The following OR1E1 variants were observed in gnomAD, a reference collection of about 807,000 sequenced individuals.
OR1E1 encodes the protein olfactory receptor 1E1.
For missense variants in OR1E1, 330 were observed against 381.0 expected (o/e 0.87, Z 1.11); for synonymous variants, 125 against 153.1 (o/e 0.82, Z 1.36).
chr17:3,398,117 C>T lies in OR1E1; in HGVS notation c.294G>A (p.Leu98=), dbSNP rs2049860289. The change falls in exon 1 of 1, where the codon CTG becomes CTA. Residue 98 remains leucine (L), a synonymous_variant. Coordinates refer to ENST00000322608, the MANE Select transcript of OR1E1 (RefSeq NM_003553.3). Reference sequence around the variant, plus strand: ...ATAACAGGAAGAAGTACATTTGGGTCAGGCAGTCCGCATAGGGGATGGATG... The same window carrying T: ...ATAACAGGAAGAAGTACATTTGGGTTAGGCAGTCCGCATAGGGGATGGATG... ...QDPSIPYADC[L]TQMYFFLLFG... 1 of 1,614,074 alleles carries T rather than the reference C, an allele frequency of 6.2e-7. No individual in the cohort carries two copies. The highest frequency in any genetic ancestry group is 1.3e-5 in the African/African-American group (1 of 74,920).
rs759697594 is a variant in OR1E1, at chr17:3,397,527, C to T, written c.884G>A (p.Arg295Lys). 1.2e-6 allele frequency: 2 copies of T among 1,614,158 alleles called. 1 individual carries two copies. Among genetic ancestry groups the T allele is most frequent in the South Asian group, 2.2e-5 (2 of 91,076 alleles). The change falls in exon 1 of 1, where the codon AGA (arginine) becomes AAA (lysine). Residue 295 changes from arginine to lysine, a missense_variant. By Grantham distance (26) the Arg-to-Lys change is conservative. Coordinates refer to ENST00000322608, the MANE Select transcript of OR1E1 (RefSeq NM_003553.3). Reference protein sequence around the residue: ...LNPFIYSLRNRDMKGALSRVI... With the variant: ...LNPFIYSLRNKDMKGALSRVI... ...TCTGCTCAGGGCTCCCTTCATGTCT[C>T]TGTTCCTCAGGCTGTAGATGAAGGG...
Position 3,397,562 on chromosome 17 carries a change from G to A in OR1E1, c.849C>T (p.Pro283=), listed in dbSNP as rs1266218353. ...VMAMMYTVVT[P]MLNPFIYSLR... Reference sequence around the variant, plus strand: ...GGCTGTAGATGAAGGGGTTCAGCATGGGGGTCACCACAGTGTACATCATAG... The same window carrying A: ...GGCTGTAGATGAAGGGGTTCAGCATAGGGGTCACCACAGTGTACATCATAG... The change falls in exon 1 of 1, where the codon CCC becomes CCT. Residue 283 remains proline, a synonymous_variant. Transcript: ENST00000322608. 6.2e-7 allele frequency: 1 copy of A among 1,614,146 alleles called. No individual in the cohort carries two copies. Among genetic ancestry groups the A allele is most frequent in the Non-Finnish European group, 8.5e-7 (1 of 1,180,034 alleles).
In OR1E1 at chr17:3,398,181, G is replaced by A. The variant is rs988169532; in HGVS notation, c.230C>T (p.Thr77Ile). ...CATGTTCTGTAACAACTTGGGAATG[G>A]TCACGGAAGAGAAGCAGAGGTCAGA... Reference protein sequence around the residue: ...SFSDLCFSSVTIPKLLQNMQN... With the variant: ...SFSDLCFSSVIIPKLLQNMQN... Residue 77 changes from threonine (T) to isoleucine (I), a missense_variant, in exon 1 of 1, where the codon ACC (threonine) becomes ATC (isoleucine). By Grantham distance (89) the Thr-to-Ile change is moderately conservative. Transcript: ENST00000322608. 2 of 1,614,244 alleles carry A rather than the reference G, an allele frequency of 1.2e-6. No individual in the cohort carries two copies. Among genetic ancestry groups the A allele is most frequent in the Non-Finnish European group, 1.7e-6 (2 of 1,180,040 alleles).
Position 3,398,353 on chromosome 17 carries a change from G to A in OR1E1, c.58C>T (p.Gln20Ter), listed in dbSNP as rs2049863656. ...TAGCACAGGTTTTGCTGCTCTGGTTGGATGGGCAGGCCCAGGAGCAGGAAG... is the reference window on the plus strand; with the variant it reads ...TAGCACAGGTTTTGCTGCTCTGGTTAGATGGGCAGGCCCAGGAGCAGGAAG... ...SDFLLLGLPI[Q>*]PEQQNLCYAL... The change falls in exon 1 of 1, where the codon CAA becomes TAA. Residue 20 changes from glutamine to a stop codon, truncating the protein, a stop_gained. Coordinates refer to ENST00000322608, the MANE Select transcript of OR1E1 (RefSeq NM_003553.3). LOFTEE classifies it low-confidence loss of function (END_TRUNC). 6.2e-7 allele frequency: 1 copy of A among 1,613,282 alleles called. No homozygotes were observed. The highest frequency in any genetic ancestry group is 8.5e-7 in the Non-Finnish European group (1 of 1,179,358).
chr17:3,397,986 A>C lies in OR1E1; in HGVS notation c.425T>G (p.Leu142Arg). ...CACCCAGGACAGCGCCACCAGGGCG[A>C]GACAGAGCATGGGGCTCATGATGGC... ...YTAIMSPMLC[L>R]ALVALSWVLT... The change falls in exon 1 of 1, where the codon CTC becomes CGC. Residue 142 changes from leucine to arginine, a missense_variant. Leu to Arg is a moderately radical substitution (Grantham distance 102). Coordinates refer to ENST00000322608, the MANE Select transcript of OR1E1 (RefSeq NM_003553.3). 1 of 1,614,240 alleles carries C rather than the reference A, an allele frequency of 6.2e-7. No individual in the cohort carries two copies. Among genetic ancestry groups the C allele is most frequent in the Non-Finnish European group, 8.5e-7 (1 of 1,180,044 alleles).
Position 3,398,347 on chromosome 17 carries a change from C to T in OR1E1, c.64G>A (p.Glu22Lys). The change falls in exon 1 of 1, where the codon GAG (glutamate) becomes AAG (lysine). Residue 22 changes from glutamate to lysine, a missense_variant. Glu to Lys is a moderately conservative substitution (Grantham distance 56, BLOSUM62 1). Transcript: ENST00000322608. ...AGGGCATAGCACAGGTTTTGCTGCT[C>T]TGGTTGGATGGGCAGGCCCAGGAGC... ...FLLLGLPIQP[E>K]QQNLCYALFL... The T allele has an allele frequency of 6.2e-7, 1 of 1,613,720 alleles. No homozygotes were observed. Among genetic ancestry groups the T allele is most frequent in the African/African-American group, 1.3e-5 (1 of 75,028 alleles).
In OR1E1 at chr17:3,397,927, G is replaced by A. The variant is rs1329571607; in HGVS notation, c.484C>T (p.Leu162Phe). ...GCACAAAAACACAACCTGGCCATGA[G>A]TAAAGTGTGTAACATGGCATGGAAG... ...TTFHAMLHTL[L>F]MARLCFCADN... The change falls in exon 1 of 1, where the codon CTC (leucine) becomes TTC (phenylalanine). Residue 162 changes from leucine (L) to phenylalanine (F), a missense_variant. By Grantham distance (22) the Leu-to-Phe change is conservative. Transcript: ENST00000322608. The A allele has an allele frequency of 6.2e-7, 1 of 1,614,236 alleles. No individual in the cohort carries two copies. The highest frequency in any genetic ancestry group is 1.7e-5 in the Admixed American group (1 of 60,024).
chr17:3,397,530 T>A lies in OR1E1; in HGVS notation c.881A>T (p.Asn294Ile). The A allele has an allele frequency of 2.5e-6, 4 of 1,614,198 alleles. No individual in the cohort carries two copies. The highest frequency in any genetic ancestry group is 3.4e-6 in the Non-Finnish European group (4 of 1,180,024). Reference protein sequence around the residue: ...MLNPFIYSLRNRDMKGALSRV... With the variant: ...MLNPFIYSLRIRDMKGALSRV... ...GCTCAGGGCTCCCTTCATGTCTCTG[T>A]TCCTCAGGCTGTAGATGAAGGGGTT... Residue 294 changes from asparagine (N) to isoleucine (I), a missense_variant, in exon 1 of 1, where the codon AAC becomes ATC. Asn to Ile is a moderately radical substitution (Grantham distance 149). Coordinates refer to ENST00000322608, the MANE Select transcript of OR1E1 (RefSeq NM_003553.3).
Position 3,397,374 on chromosome 17 carries a change from A to G in OR1E1, c.*92T>C. The G allele has an allele frequency of 9.8e-7, 1 of 1,020,790 alleles. No individual in the cohort carries two copies. The highest frequency in any genetic ancestry group is 1.4e-6 in the Non-Finnish European group (1 of 706,962). The allele number at this position is 1,020,790 out of a possible 1,614,324, so 63.2% of individuals were successfully genotyped here. A position where few individuals can be genotyped will look rare whatever the true frequency, so the allele number is the denominator to read the frequency against. ...AATTATGTACGATGCCATTTCAACA[A>G]AAGGATGGTGAGGAAATAATTTAGA... On this transcript the variant is annotated 3_prime_UTR_variant, in exon 1 of 1. Transcript: ENST00000322608.
Position 3,397,507 on chromosome 17 carries a change from T to C in OR1E1, c.904A>G (p.Ser302Gly), listed in dbSNP as rs1472495261. The change falls in exon 1 of 1, where the codon AGC (serine) becomes GGC (glycine). Residue 302 changes from serine (S) to glycine (G), a missense_variant. Ser to Gly is a moderately conservative substitution (Grantham distance 56, BLOSUM62 0). Coordinates refer to ENST00000322608, the MANE Select transcript of OR1E1 (RefSeq NM_003553.3). ...LRNRDMKGAL[S>G]RVIHQKKTFF... Reference sequence around the variant, plus strand: ...GTTTTCTTCTGATGAATGACTCTGCTCAGGGCTCCCTTCATGTCTCTGTTC... The same window carrying C: ...GTTTTCTTCTGATGAATGACTCTGCCCAGGGCTCCCTTCATGTCTCTGTTC... 2 of 1,614,146 alleles carry C rather than the reference T, an allele frequency of 1.2e-6. No homozygotes were observed. The highest frequency in any genetic ancestry group is 1.7e-6 in the Non-Finnish European group (2 of 1,180,000).
chr17:3,397,780 A>T lies in OR1E1; in HGVS notation c.631T>A (p.Phe211Ile). Reference sequence around the variant, plus strand: ...GCATAGGACCCAAGGATGAGTAGGAATGGGATGACAAGAATGAGCCCTCCC... The same window carrying T: ...GCATAGGACCCAAGGATGAGTAGGATTGGGATGACAAGAATGAGCCCTCCC... ...IMGGLILVIP[F>I]LLILGSYARI... Residue 211 changes from phenylalanine (F) to isoleucine (I), a missense_variant, in exon 1 of 1, where the codon TTC becomes ATC. Transcript: ENST00000322608. 6.2e-7 allele frequency: 1 copy of T among 1,613,994 alleles called. No homozygotes were observed. The highest frequency in any genetic ancestry group is 8.5e-7 in the Non-Finnish European group (1 of 1,179,864).
chr17:3,397,711 T>C lies in OR1E1; in HGVS notation c.700A>G (p.Ile234Val), dbSNP rs766977107. Reference protein sequence around the residue: ...SILKVPSSKGICKAFSTCGSH... With the variant: ...SILKVPSSKGVCKAFSTCGSH... ...CCACAAGTAGAGAAGGCCTTGCAGA[T>C]ACCCTTAGAAGAAGGGACCTTGAGG... is the stretch of plus-strand genomic sequence containing the variant. Residue 234 changes from isoleucine to valine, a missense_variant, in exon 1 of 1, where the codon ATC becomes GTC. By Grantham distance (29) the Ile-to-Val change is conservative. Transcript: ENST00000322608. 1.9e-6 allele frequency: 3 copies of C among 1,613,514 alleles called. No individual in the cohort carries two copies. The highest frequency in any genetic ancestry group is 2.5e-6 in the Non-Finnish European group (3 of 1,179,864).
Position 3,398,145 on chromosome 17 carries a change from TC to T in OR1E1, c.265del (p.Asp89ThrfsTer10), listed in dbSNP as rs769783587. 1 of 1,614,172 alleles carries T rather than the reference TC, an allele frequency of 6.2e-7. No homozygotes were observed. The highest frequency in any genetic ancestry group is 1.7e-5 in the Admixed American group (1 of 60,018). ...PKLLQNMQNQDPSIPYADCLT... is the reference protein window; with the variant it reads ...PKLLQNMQNQXPSIPYADCLT... ...GCAGTCCGCATAGGGGATGGATGGG[TC>T]CTGGTTCTGCATGTTCTGTAACAAC... On this transcript the variant is annotated frameshift_variant, in exon 1 of 1. Coordinates refer to ENST00000322608, the MANE Select transcript of OR1E1 (RefSeq NM_003553.3). LOFTEE classifies it low-confidence loss of function (END_TRUNC).
Position 3,397,885 on chromosome 17 carries a change from G to C in OR1E1, c.526C>G (p.His176Asp). ...AGAGCAGACATATCACAGAAAAAGTGGGGGATCACATTGTCTGCACAAAAA... is the reference window on the plus strand; with the variant it reads ...AGAGCAGACATATCACAGAAAAAGTCGGGGATCACATTGTCTGCACAAAAA... ...LCFCADNVIPHFFCDMSALLK... is the reference protein window; with the variant it reads ...LCFCADNVIPDFFCDMSALLK... Residue 176 changes from histidine (H) to aspartate (D), a missense_variant, in exon 1 of 1, where the codon CAC (histidine) becomes GAC (aspartate). By Grantham distance (81) the His-to-Asp change is moderately conservative. Transcript: ENST00000322608. 6.2e-7 allele frequency: 1 copy of C among 1,614,184 alleles called. No homozygotes were observed. The highest frequency in any genetic ancestry group is 8.5e-7 in the Non-Finnish European group (1 of 1,180,016).
In OR1E1 at chr17:3,398,103, A is replaced by T; in HGVS notation, c.308T>A (p.Phe103Tyr). The change falls in exon 1 of 1, where the codon TTC (phenylalanine) becomes TAC (tyrosine). Residue 103 changes from phenylalanine to tyrosine, a missense_variant. Coordinates refer to ENST00000322608, the MANE Select transcript of OR1E1 (RefSeq NM_003553.3). ...PYADCLTQMYFFLLFGDLESF... is the reference protein window; with the variant it reads ...PYADCLTQMYYFLLFGDLESF... The stretch of plus-strand genomic sequence containing the variant: ...CTCCAGGTCTCCAAATAACAGGAAG[A>T]AGTACATTTGGGTCAGGCAGTCCGC... The T allele has an allele frequency of 6.2e-7, 1 of 1,614,186 alleles. No individual in the cohort carries two copies. The highest frequency in any genetic ancestry group is 8.5e-7 in the Non-Finnish European group (1 of 1,180,022).
rs1043205466 is a variant in OR1E1, at chr17:3,398,222, G to A, written c.189C>T (p.Leu63=). Residue 63 remains leucine, a synonymous_variant, in exon 1 of 1, where the codon CTC becomes CTT. Coordinates refer to ENST00000322608, the MANE Select transcript of OR1E1 (RefSeq NM_003553.3). The part of the protein sequence containing the change: ...SHLHTPMYLF[L]SNLSFSDLCF... ...AGAGGTCAGAGAAGGACAAGTTGCT[G>A]AGAAACAAATACATAGGCGTGTGGA... is the stretch of plus-strand genomic sequence containing the variant. 1.2e-6 allele frequency: 2 copies of A among 1,614,210 alleles called. No homozygotes were observed. The highest frequency in any genetic ancestry group is 1.6e-4 in the Middle Eastern group (1 of 6,062).
chr17:3,398,196 C>T lies in OR1E1; in HGVS notation c.215G>A (p.Cys72Tyr). Reference sequence around the variant, plus strand: ...CTTGGGAATGGTCACGGAAGAGAAGCAGAGGTCAGAGAAGGACAAGTTGCT... The same window carrying T: ...CTTGGGAATGGTCACGGAAGAGAAGTAGAGGTCAGAGAAGGACAAGTTGCT... ...FLSNLSFSDLCFSSVTIPKLL... is the reference protein window; with the variant it reads ...FLSNLSFSDLYFSSVTIPKLL... Residue 72 changes from cysteine (C) to tyrosine (Y), a missense_variant, in exon 1 of 1, where the codon TGC becomes TAC. Physicochemically the swap from Cys to Tyr is radical, Grantham distance 194 (BLOSUM62 -2). Coordinates refer to ENST00000322608, the MANE Select transcript of OR1E1 (RefSeq NM_003553.3). The T allele has an allele frequency of 6.2e-7, 1 of 1,614,196 alleles. No individual in the cohort carries two copies. The highest frequency in any genetic ancestry group is 1.3e-5 in the African/African-American group (1 of 75,034).
Position 3,398,266 on chromosome 17 carries a change from T to C in OR1E1, c.145A>G (p.Ile49Val). 1 of 1,614,112 alleles carries C rather than the reference T, an allele frequency of 6.2e-7. No individual in the cohort carries two copies. The highest frequency in any genetic ancestry group is 8.5e-7 in the Non-Finnish European group (1 of 1,180,028). ...LLGNLLIIVLIRLDSHLHTPM... is the reference protein window; with the variant it reads ...LLGNLLIIVLVRLDSHLHTPM... ...GTGTGGAGATGGGAGTCCAGTCGAA[T>C]GAGGACAATGATGAGGAGGTTCCCC... The change falls in exon 1 of 1, where the codon ATT becomes GTT. Residue 49 changes from isoleucine (I) to valine (V), a missense_variant. Physicochemically the swap from Ile to Val is conservative, Grantham distance 29. Coordinates refer to ENST00000322608, the MANE Select transcript of OR1E1 (RefSeq NM_003553.3).
In OR1E1 at chr17:3,397,157, C is replaced by T; in HGVS notation, c.*309G>A. The T allele has an allele frequency of 4.4e-6, 1 of 229,490 alleles. No individual in the cohort carries two copies. Among genetic ancestry groups the T allele is most frequent in the Non-Finnish European group, 8.4e-6 (1 of 118,710 alleles). 14.2% of individuals were successfully genotyped at this position (229,490 alleles called of 1,614,324 possible). A position where few individuals can be genotyped will look rare whatever the true frequency, so the allele number is the denominator to read the frequency against. ...ATGATTCTACAATCAAAGCAAAATT[C>T]TGAGTAACATAACAAAATCCTGTGA... On this transcript the variant is annotated 3_prime_UTR_variant, in exon 1 of 1. Transcript: ENST00000322608.
Sources: gnomAD v4.1 joint callset for allele counts on GRCh38, gnomAD v4.1.1 for gene constraint, MANE v1.5 for transcripts, NCBI Gene and HGNC (gene_info 2026-07-23, HGNC 2026-07-21) for gene names.